The following GRID2 variants were observed in gnomAD, a reference collection of about 807,000 sequenced individuals.
GRID2 encodes the protein glutamate ionotropic receptor delta type subunit 2, also known as glutamate receptor ionotropic, delta-2.
Under a neutral mutation model 114.8 loss-of-function variants are expected in GRID2, and 33 were observed. The ratio of observed to expected loss-of-function variants is 0.29; its 90% CI spans 0.22 to 0.38. GRID2 has a LOEUF of 0.38. GRID2 is among the 10% of genes least tolerant of loss of function. The pLI is 1.00. For missense variants in GRID2, 1,184 were observed against 1,257.7 expected, an observed-to-expected ratio of 0.94 and a Z score of 0.89; for synonymous variants, 505 against 449.9, an observed-to-expected ratio of 1.12 and a Z score of -1.55.
At chr4:93,154,836 G>A (rs573104871) in intron 4 of GRID2, among the ~76,000 whole-genome samples, 13 of 151,502 alleles carry the variant, frequency 8.6e-5, no homozygotes, top group South Asian at 8.4e-4. Context: ...CTGCCTACTC[G>A]TATTCCTTAG....
intron 2 of GRID2, among the ~76,000 whole-genome samples, chr4:93,035,090 C>A (rs947967506): frequency 6.7e-6 from 1 of 150,118 alleles, no homozygotes; most frequent in Non-Finnish European, 1.5e-5. Flanking sequence ...TTCTTTTAAT[C>A]CCTATCACTG....
intron 2 of GRID2, among the ~76,000 whole-genome samples, chr4:92,696,140 AG>A: frequency 6.6e-6 from 1 of 152,266 alleles, no homozygotes; most frequent in Admixed American, 6.5e-5. Context: ...CGTCTTTTAA[AG>A]AAATCAATTT....
chr4:93,662,143 T>TC (rs1436200040), intron 14 of GRID2, among the ~76,000 whole-genome samples: 1 of 152,174 alleles, frequency 6.6e-6, no homozygotes, highest in Non-Finnish European at 1.5e-5. Context: ...ATTTTTTTTT[T>TC]CCAAATATCT....
In GRID2 at chr4:92,755,468, G is replaced by A. The variant is rs181255792; in HGVS notation, c.244+165182G>A. Among the ~76,000 whole-genome samples the A allele has an allele frequency of 1.2e-4, 19 of 152,204 alleles. No individual in the cohort carries two copies. The East Asian group carries it at 3.7e-3, about 30-fold the overall frequency. On this transcript the variant is annotated intron_variant, in intron 2 of 15. Coordinates refer to ENST00000282020, the MANE Select transcript of GRID2 (RefSeq NM_001510.4). The stretch of plus-strand genomic sequence containing the variant: ...ATAAAGCAATGCAGAGTAACAGGAT[G>A]GAGTGTCCTATTTTAAGTGGAGTTG...
chr4:93,728,148 C>G (rs1283669581), intron 14 of GRID2, among the ~76,000 whole-genome samples: 2 of 152,066 alleles, frequency 1.3e-5, no homozygotes, highest in African/African-American at 4.8e-5. Flanking sequence ...CCTCTACACA[C>G]TGCTTTAAAT....
intron 14 of GRID2, among the ~76,000 whole-genome samples, chr4:93,630,232 G>A (rs1206296073): frequency 1.3e-5 from 2 of 152,148 alleles, no homozygotes; most frequent in Non-Finnish European, 2.9e-5. Context: ...AGTGTGGTAA[G>A]TAAGGCTTGC....
Position 93,116,810 on chromosome 4 carries a change from G to A in GRID2, c.735+5857G>A, listed in dbSNP as rs116406585. On this transcript the variant is annotated intron_variant, in intron 4 of 15. Coordinates refer to ENST00000282020, the MANE Select transcript of GRID2 (RefSeq NM_001510.4). The stretch of plus-strand genomic sequence containing the variant: ...TTAGATAAGCTGTGTAGAGGCAAGA[G>A]TTATAGTGCTGTTGGCCACAAGTTC... 9.4e-3 allele frequency among the ~76,000 whole-genome samples: 1,427 copies of A among 151,978 alleles called. 16 individuals carry two copies. Among genetic ancestry groups the A allele is most frequent in the South Asian group, 0.037 (178 of 4,818 alleles).
chr4:93,347,325 T>G (rs1760339051), intron 8 of GRID2, among the ~76,000 whole-genome samples: 1 of 152,174 alleles, frequency 6.6e-6, no homozygotes. Flanking sequence ...ATTAATAATC[T>G]GATACACTTT....
intron 2 of GRID2, among the ~76,000 whole-genome samples, chr4:92,640,966 G>A (rs1731313004): frequency 6.6e-6 from 1 of 151,728 alleles, no homozygotes; most frequent in Non-Finnish European, 1.5e-5. Flanking sequence ...AATATAAGGT[G>A]TGTGTGCATC....
At chr4:93,203,569 C>T (rs1742339122) in intron 4 of GRID2, among the ~76,000 whole-genome samples, 1 of 151,862 alleles carries the variant, frequency 6.6e-6, no homozygotes, top group Non-Finnish European at 1.5e-5. Context: ...TATAAAATCA[C>T]AGAATTAAAA....
At chr4:93,448,701 A>G (rs969814899) in intron 10 of GRID2, among the ~76,000 whole-genome samples, 1 of 151,998 alleles carries the variant, frequency 6.6e-6, no homozygotes, top group African/African-American at 2.4e-5. Context: ...AGAAACAAAA[A>G]TTATCTTTAA....
chr4:93,779,504 C>A (rs1388944063), downstream of GRID2, among the ~76,000 whole-genome samples: 1 of 152,048 alleles, frequency 6.6e-6, no homozygotes, highest in Non-Finnish European at 1.5e-5. Flanking sequence ...CTCTGCCACC[C>A]AGCTTCTCCT....
intron 8 of GRID2, among the ~76,000 whole-genome samples, chr4:93,329,955 A>G (rs1758254608): frequency 6.6e-6 from 1 of 152,068 alleles, no homozygotes; most frequent in African/African-American, 2.4e-5. Flanking sequence ...TGCTCTCTGA[A>G]TAATCTGATT....
intron 1 of GRID2, among the ~76,000 whole-genome samples, chr4:92,548,583 G>A (rs945696168): frequency 6.6e-5 from 10 of 151,070 alleles, no homozygotes; most frequent in African/African-American, 2.4e-4. Context: ...TAGTAGAGAT[G>A]GGTTTTCACC....
chr4:92,829,100 C>T (rs1194351679), intron 2 of GRID2, among the ~76,000 whole-genome samples: 1 of 152,070 alleles, frequency 6.6e-6, no homozygotes, highest in Non-Finnish European at 1.5e-5. Context: ...ATACCTATGT[C>T]CTGAATGGTG....
intron 1 of GRID2, among the ~76,000 whole-genome samples, chr4:92,420,076 A>T (rs1029558684): frequency 2.0e-5 from 3 of 152,032 alleles, no homozygotes; most frequent in Non-Finnish European, 2.9e-5. Context: ...CAGTGAAGGG[A>T]TTTTAGCACT....
rs568047752 is a variant in GRID2, at chr4:93,654,105, G to A, written c.2360+27670G>A. On this transcript the variant is annotated intron_variant, in intron 14 of 15. Coordinates refer to ENST00000282020, the MANE Select transcript of GRID2 (RefSeq NM_001510.4). ...TGTAGCCCAGATGTCTGTCTGTCTA[G>A]TGGCCAGCCTTTTCATATCCACGAT... Among the ~76,000 whole-genome samples the A allele has an allele frequency of 7.9e-5, 12 of 152,190 alleles. No homozygotes were observed. In the South Asian group the frequency reaches 2.3e-3, roughly 29 times the overall value.
intron 14 of GRID2, among the ~76,000 whole-genome samples, chr4:93,739,039 C>T (rs1032729053): frequency 2.0e-5 from 3 of 151,902 alleles, no homozygotes; most frequent in African/African-American, 7.3e-5. Context: ...AGAGAGCAGC[C>T]ATCAGTAGAT....
At chr4:93,351,720 TATG>T (rs1202909754) in intron 8 of GRID2, among the ~76,000 whole-genome samples, 1 of 151,724 alleles carries the variant, frequency 6.6e-6, no homozygotes, top group Non-Finnish European at 1.5e-5. Flanking sequence ...ATAATGTTAT[TATG>T]TGAATATTTT....
Sources: gnomAD v4.1 joint callset for allele counts (sites outside exome capture counted in the v4.1 genomes callset) on GRCh38, gnomAD v4.1.1 for gene constraint, MANE v1.5 for transcripts, NCBI Gene and HGNC (gene_info 2026-07-23, HGNC 2026-07-21) for gene names.